ADGRV1: variants seen among roughly 807,000 people sequenced by gnomAD.
ADGRV1 encodes adhesion G protein-coupled receptor V1, also known as G-protein coupled receptor 98.
In ADGRV1, 359 loss-of-function variants were observed where a neutral mutation model predicts 596.2. That is an observed-to-expected ratio of 0.60 (90% CI 0.55 to 0.66). ADGRV1 has a LOEUF of 0.66. Among genes scored for constraint, ADGRV1 ranks in the 30% least tolerant of loss-of-function variants. ADGRV1 has a pLI of 0.00. For synonymous variants in ADGRV1, 2,681 were observed against 2,679.2 expected, an observed-to-expected ratio of 1.00 and a Z score of -0.02; for missense variants, 7,274 against 7,575.6, an observed-to-expected ratio of 0.96 and a Z score of 1.48.
intron 87 of ADGRV1, among the ~76,000 whole-genome samples, chr5:91,131,132 C>G (rs922056526): frequency 6.6e-6 from 1 of 152,194 alleles, no homozygotes; most frequent in African/African-American, 2.4e-5. Flanking sequence ...TGGGCTTATA[C>G]CCAGTAATGG....
Position 90,676,117 on chromosome 5 carries a change from G to A in ADGRV1, c.5351G>A (p.Arg1784Lys), listed in dbSNP as rs748852381. Residue 1784 changes from arginine to lysine, a missense_variant, in exon 25 of 90, where the codon AGA becomes AAA. By Grantham distance (26) the Arg-to-Lys change is conservative. Coordinates refer to ENST00000405460, the MANE Select transcript of ADGRV1 (RefSeq NM_032119.4). ...ACATTAGAATTTCAACCAGGAGAAA[G>A]ATATAAATACATTTTCATAAACATC... is the stretch of plus-strand genomic sequence containing the variant. ...AGTLEFQPGE[R>K]YKYIFINITD... The A allele has an allele frequency of 3.0e-5, 48 of 1,603,872 alleles. No individual in the cohort carries two copies. In the Middle Eastern group the frequency reaches 5.4e-4, roughly 18 times the overall value.
chr5:91,022,095 A>G (rs1375206913), intron 85 of ADGRV1, among the ~76,000 whole-genome samples: 1 of 152,112 alleles, frequency 6.6e-6, no homozygotes, highest in Non-Finnish European at 1.5e-5. Context: ...AAATTGAAAA[A>G]ACACAGTGGA....
At chr5:91,100,315 G>A (rs1791263077) in intron 86 of ADGRV1, among the ~76,000 whole-genome samples, 1 of 152,120 alleles carries the variant, frequency 6.6e-6, no homozygotes, top group Non-Finnish European at 1.5e-5. Flanking sequence ...TCAGCTACTT[G>A]GGAGGCTGAG....
intron 77 of ADGRV1, among the ~76,000 whole-genome samples, chr5:90,830,013 TCA>T (rs777688894): frequency 3.5e-4 from 54 of 152,130 alleles, no homozygotes; most frequent in Non-Finnish European, 6.2e-4. Flanking sequence ...CCTTAAGATT[TCA>T]CAGTTTCATT....
intron 85 of ADGRV1, among the ~76,000 whole-genome samples, chr5:91,047,027 C>G (rs1245523779): frequency 2.0e-5 from 3 of 151,958 alleles, no homozygotes; most frequent in Non-Finnish European, 4.4e-5. Context: ...TAGATACCGG[C>G]GTGGATGCAG....
intron 86 of ADGRV1, among the ~76,000 whole-genome samples, chr5:91,073,342 G>A (rs1462095950): frequency 6.6e-6 from 1 of 152,168 alleles, no homozygotes; most frequent in East Asian, 1.9e-4. Flanking sequence ...GGGCCAATGA[G>A]GAACAGAAGT....
intron 87 of ADGRV1, among the ~76,000 whole-genome samples, chr5:91,138,754 G>A (rs570004771): frequency 2.6e-4 from 39 of 150,166 alleles, no homozygotes; most frequent in Admixed American, 8.6e-4. Flanking sequence ...TCGTCATTTT[G>A]CCAATTTTAT....
intron 86 of ADGRV1, 109 bp downstream of exon 86, chr5:91,072,713 C>A: frequency 1.8e-6 from 2 of 1,097,024 alleles, no homozygotes; most frequent in Non-Finnish European, 2.7e-6. Flanking sequence ...CATCTTTCAG[C>A]TCTGAAGCCA....
intron 77 of ADGRV1, among the ~76,000 whole-genome samples, chr5:90,835,116 A>G (rs1271144889): frequency 6.6e-6 from 1 of 152,098 alleles, no homozygotes; most frequent in Non-Finnish European, 1.5e-5. Flanking sequence ...CTGGACATTG[A>G]AGACTTAGGT....
At chr5:90,959,943 T>C (rs1272001445) in intron 83 of ADGRV1, among the ~76,000 whole-genome samples, 12 of 151,850 alleles carry the variant, frequency 7.9e-5, no homozygotes, top group Non-Finnish European at 1.8e-4. Flanking sequence ...ATCAAGACCA[T>C]CCTGGCTAAC....
chr5:90,765,429 CCACACACACACACACA>C (rs531033246), intron 59 of ADGRV1, among the ~76,000 whole-genome samples: 29 of 136,266 alleles, frequency 2.1e-4, no homozygotes, highest in Non-Finnish European at 3.0e-4. Context: ...AAATCACAGA[CCACACACACACACACA>C]CACACACACA....
intron 1 of ADGRV1, among the ~76,000 whole-genome samples, chr5:90,613,419 T>G (rs1385060773): frequency 6.6e-6 from 1 of 152,128 alleles, no homozygotes; most frequent in Non-Finnish European, 1.5e-5. Flanking sequence ...CTTTCCTGTC[T>G]CACACATGCT....
At chr5:91,015,594 T>G (rs1783111627) in intron 85 of ADGRV1, among the ~76,000 whole-genome samples, 1 of 152,084 alleles carries the variant, frequency 6.6e-6, no homozygotes, top group African/African-American at 2.4e-5. Flanking sequence ...TTTAGGATAG[T>G]TAGGTCCTTT....
Position 90,810,903 on chromosome 5 carries a change from T to G in ADGRV1, c.15643T>G (p.Ser5215Ala). The G allele has an allele frequency of 1.2e-6, 2 of 1,614,010 alleles. No homozygotes were observed. The highest frequency in any genetic ancestry group is 8.5e-7 in the Non-Finnish European group (1 of 1,179,874). The stretch of plus-strand genomic sequence containing the variant: ...TGTGGCCACTGTAACTGCCAATGTT[T>G]CCATTCATGGAACATTCAGCCTTGG... ...PDVATVTANV[S>A]IHGTFSLGPS... The change falls in exon 74 of 90, where the codon TCC becomes GCC. Residue 5215 changes from serine (S) to alanine (A), a missense_variant. Physicochemically the swap from Ser to Ala is moderately conservative, Grantham distance 99. Around this residue, in one of 5 missense-constraint regions of ADGRV1, gnomAD observed 1,874 missense variants for 1,970.2 expected, o/e 0.95. Transcript: ENST00000405460.
At position 90,805,461 on chromosome 5, in the gene ADGRV1, G is replaced by T; in HGVS notation, c.14836+3G>T. 1 of 1,574,982 alleles carries T rather than the reference G, an allele frequency of 6.3e-7. No individual in the cohort carries two copies. The highest frequency in any genetic ancestry group is 8.7e-7 in the Non-Finnish European group (1 of 1,152,086). On this transcript the variant is annotated splice_donor_region_variant and intron_variant, in intron 72 of 89. Transcript: ENST00000405460. ...TGGCAACATGACCCCAACACTGGGT[G>T]AGTTGTAGTTTTTCTAAGATGAGTC...
At chr5:90,871,118 T>C (rs1033021952) in intron 83 of ADGRV1, among the ~76,000 whole-genome samples, 4 of 152,176 alleles carry the variant, frequency 2.6e-5, no homozygotes, top group African/African-American at 9.7e-5. Flanking sequence ...AACAAATTTA[T>C]AATTAGCAAT....
At chr5:90,657,797 A>G in intron 20 of ADGRV1, 108 bp from the exon 21 acceptor site, 3 of 1,203,540 alleles carry the variant, frequency 2.5e-6, no homozygotes, top group Non-Finnish European at 3.4e-6. Flanking sequence ...AGTTTCATTT[A>G]TCCAAAAATA....
chr5:91,119,287 G>T (rs1361136547), intron 87 of ADGRV1, among the ~76,000 whole-genome samples: 1 of 152,202 alleles, frequency 6.6e-6, no homozygotes, highest in African/African-American at 2.4e-5. Flanking sequence ...ACTGGCAGGT[G>T]CTGTGAGGAA....
At chr5:91,055,100 CT>C (rs1786718093) in intron 85 of ADGRV1, among the ~76,000 whole-genome samples, 2 of 152,174 alleles carry the variant, frequency 1.3e-5, no homozygotes, top group African/African-American at 4.8e-5. Flanking sequence ...TTTCAAATGA[CT>C]GAGCACCAAC....
Sources: gnomAD v4.1 joint callset for allele counts (sites outside exome capture counted in the v4.1 genomes callset) on GRCh38, gnomAD v4.1.1 for gene constraint, gnomAD v4.1.1 regional missense constraint, MANE v1.5 for transcripts, NCBI Gene and HGNC (gene_info 2026-07-23, HGNC 2026-07-21) for gene names.